The following ADAM23 variants were observed in gnomAD, a reference collection of about 807,000 sequenced individuals.
ADAM23 encodes the protein ADAM metallopeptidase domain 23, also known as disintegrin and metalloproteinase domain-containing protein 23.
ADAM23 carries 33 observed loss-of-function variants against 120.1 expected under a neutral mutation model. The observed-to-expected ratio is 0.27, with a 90% CI of 0.21 to 0.37. The LOEUF (loss-of-function observed/expected upper bound fraction) is 0.37. ADAM23 is among the 10% of genes least tolerant of loss of function. ADAM23 has a pLI of 1.00. For synonymous variants in ADAM23, 367 were observed against 375.2 expected (o/e 0.98, Z 0.25); for missense variants, 862 against 1,058.2 (o/e 0.81, Z 2.57).
intron 3 of ADAM23, among the ~76,000 whole-genome samples, chr2:206,529,178 G>A (rs1392713934): frequency 1.3e-5 from 2 of 152,068 alleles, no homozygotes; most frequent in Non-Finnish European, 2.9e-5. Context: ...TAAGTACTAG[G>A]CTAAGAAATG....
intron 3 of ADAM23, among the ~76,000 whole-genome samples, chr2:206,494,125 G>A (rs916188518): frequency 6.6e-6 from 1 of 152,184 alleles, no homozygotes; most frequent in Admixed American, 6.5e-5. Flanking sequence ...TTTTTGTGCT[G>A]AGACTATGTA....
intron 3 of ADAM23, among the ~76,000 whole-genome samples, chr2:206,483,242 G>T (rs114666570): frequency 6.6e-6 from 1 of 152,180 alleles, no homozygotes; most frequent in African/African-American, 2.4e-5. Context: ...GAGGTACCTC[G>T]ATTGGTTGGT....
chr2:206,516,617 G>A (rs1053007364), intron 3 of ADAM23, among the ~76,000 whole-genome samples: 1 of 152,002 alleles, frequency 6.6e-6, no homozygotes, highest in African/African-American at 2.4e-5. Context: ...TCTTAAAAAA[G>A]AGAGGACTTC....
intron 3 of ADAM23, among the ~76,000 whole-genome samples, chr2:206,500,093 A>AT (rs1453265614): frequency 1.3e-5 from 2 of 152,024 alleles, no homozygotes; most frequent in African/African-American, 4.8e-5. Context: ...TTTGCTGGTT[A>AT]TTTTTTATGC....
intron 9 of ADAM23, among the ~76,000 whole-genome samples, chr2:206,550,534 A>G (rs1697491899): frequency 6.6e-6 from 1 of 151,228 alleles, no homozygotes; most frequent in South Asian, 2.1e-4. Flanking sequence ...GGTAGATACA[A>G]TTGTAGGAGG....
intron 2 of ADAM23, among the ~76,000 whole-genome samples, chr2:206,455,542 A>G (rs1695280366): frequency 6.6e-6 from 1 of 152,174 alleles, no homozygotes; most frequent in Admixed American, 6.5e-5. Flanking sequence ...TTTCTGCCAC[A>G]TGGTCAGGCT....
intron 3 of ADAM23, among the ~76,000 whole-genome samples, chr2:206,499,528 T>C (rs542448346): frequency 5.2e-4 from 78 of 150,036 alleles, no homozygotes; most frequent in Non-Finnish European, 7.4e-4. Context: ...TTAGGAGATA[T>C]ACCTAATGCT....
chr2:206,506,218 A>G (rs1247310370), intron 3 of ADAM23, among the ~76,000 whole-genome samples: 1 of 152,148 alleles, frequency 6.6e-6, no homozygotes, highest in Non-Finnish European at 1.5e-5. Context: ...CACCACAACA[A>G]TTTCTGCAAA....
Position 206,602,838 on chromosome 2 carries a change from G to A in ADAM23, c.2359+6676G>A, listed in dbSNP as rs190110242. 2.6e-5 allele frequency among the ~76,000 whole-genome samples: 4 copies of A among 152,154 alleles called. No individual in the cohort carries two copies. In the East Asian group the frequency reaches 7.7e-4, roughly 29 times the overall value. ...CTGTCTTTTAGCACAAGTAAACCTA[G>A]GTAGCAGGGACCAAGACTGAAAATA... On this transcript the variant is annotated intron_variant, in intron 24 of 25. Transcript: ENST00000264377.
chr2:206,456,135 C>T (rs1695294637), intron 2 of ADAM23, among the ~76,000 whole-genome samples: 1 of 152,160 alleles, frequency 6.6e-6, no homozygotes, highest in Admixed American at 6.5e-5. Flanking sequence ...TTAATTGACT[C>T]ACAGTTCCGT....
At chr2:206,516,435 C>T (rs562914427) in intron 3 of ADAM23, among the ~76,000 whole-genome samples, 8 of 152,006 alleles carry the variant, frequency 5.3e-5, no homozygotes, top group Non-Finnish European at 1.2e-4. Flanking sequence ...AACTGGGAAG[C>T]TTAAACAACA....
chr2:206,500,757 A>T (rs1294238662), intron 3 of ADAM23, among the ~76,000 whole-genome samples: 1 of 152,118 alleles, frequency 6.6e-6, no homozygotes, highest in Non-Finnish European at 1.5e-5. Flanking sequence ...GCTGGGAGAT[A>T]CTTTCCTGCC....
rs72933216 is a variant in ADAM23 at position 206,453,081 on chromosome 2, G to A, written c.432+7557G>A. Among the ~76,000 whole-genome samples, 1,472 of 152,316 alleles carry A rather than the reference G, an allele frequency of 9.7e-3. 11 individuals are homozygous for A. The highest frequency in any genetic ancestry group is 0.015 in the Non-Finnish European group (1,038 of 68,022). ...TTGGAGCCAGGGAGAGGATGTAAAAGTCTCTTGAGAAGAACTGCTGCTTTC... is the reference window on the plus strand; with the variant it reads ...TTGGAGCCAGGGAGAGGATGTAAAAATCTCTTGAGAAGAACTGCTGCTTTC... On this transcript the variant is annotated intron_variant, in intron 2 of 25. Transcript: ENST00000264377.
At chr2:206,575,663 T>C (rs937814292) in intron 18 of ADAM23, among the ~76,000 whole-genome samples, 3 of 152,176 alleles carry the variant, frequency 2.0e-5, no homozygotes, top group Admixed American at 6.5e-5. Flanking sequence ...TAGCTTAATG[T>C]GAGGGCTAAA....
intron 21 of ADAM23, among the ~76,000 whole-genome samples, chr2:206,590,642 A>T (rs1032936686): frequency 2.0e-5 from 3 of 152,214 alleles, no homozygotes; most frequent in African/African-American, 7.2e-5. Context: ...GTCTTTGATG[A>T]TGGATGAGGC....
chr2:206,500,030 T>G lies in ADAM23; in HGVS notation c.509+18722T>G, dbSNP rs555950148. Among the ~76,000 whole-genome samples the G allele has an allele frequency of 7.2e-5, 11 of 152,304 alleles. No individual in the cohort carries two copies. In the South Asian group the frequency reaches 2.3e-3, roughly 32 times the overall value. On this transcript the variant is annotated intron_variant, in intron 3 of 25. Transcript: ENST00000264377. ...TTATCTCTCCTGAAGATATGCTGTT[T>G]GGAAGTATTTTTTTATTATTAAAAT...
At chr2:206,536,225 T>TTA (rs1697172296) in intron 4 of ADAM23, among the ~76,000 whole-genome samples, 1 of 151,434 alleles carries the variant, frequency 6.6e-6, no homozygotes, top group Non-Finnish European at 1.5e-5. Context: ...GCGTGTGTGT[T>TTA]TGTGTGTGTG....
intron 18 of ADAM23, among the ~76,000 whole-genome samples, chr2:206,579,995 G>A (rs1698191256): frequency 6.6e-6 from 1 of 151,862 alleles, no homozygotes; most frequent in Non-Finnish European, 1.5e-5. Context: ...AAGGGGTTGA[G>A]TTCTTGATTT....
chr2:206,584,639 C>T (rs767947348), intron 18 of ADAM23, among the ~76,000 whole-genome samples: 12 of 152,074 alleles, frequency 7.9e-5, no homozygotes, highest in Non-Finnish European at 1.2e-4. Flanking sequence ...AGCTCAGACA[C>T]GCCTAGTCCT....
Sources: allele counts gnomAD v4.1 joint callset (sites outside exome capture counted in the v4.1 genomes callset), GRCh38; gene constraint gnomAD v4.1.1; transcripts MANE v1.5; gene names NCBI Gene and HGNC (gene_info 2026-07-23, HGNC 2026-07-21).